The following SEMA4F variants were observed in gnomAD, a reference collection of about 807,000 sequenced individuals.
SEMA4F encodes semaphorin-4F.
Under a neutral mutation model 78.4 loss-of-function variants are expected in SEMA4F, and 51 were observed. The ratio of observed to expected loss-of-function variants is 0.65; its 90% confidence interval spans 0.52 to 0.82. The LOEUF is 0.82. Ranked by LOEUF, SEMA4F falls within the 40% of genes least tolerant of loss-of-function variation. The pLI is 0.00. For missense variants in SEMA4F, 938 were observed against 1,014.4 expected (o/e 0.92, Z 1.02); for synonymous variants, 418 against 408.7 (o/e 1.02, Z -0.27).
At chr2:74,692,012 G>T in the SEMA4F span, among the ~76,000 whole-genome samples, 5 of 152,176 alleles carry the variant, frequency 3.3e-5, no homozygotes, top group Non-Finnish European at 7.3e-5. Flanking sequence ...CCGATGGTGT[G>T]GTGGGCACTG....
At chr2:74,662,711 T>A in intron 4 of SEMA4F, 21 bp from the exon 5 acceptor site, 1 of 1,604,428 alleles carries the variant, frequency 6.2e-7, no homozygotes, top group Non-Finnish European at 8.5e-7. Context: ...CCTAAACCAA[T>A]TGCCCCCTTC....
At chr2:74,697,863 C>T in the SEMA4F span, among the ~76,000 whole-genome samples, 2 of 152,086 alleles carry the variant, frequency 1.3e-5, no homozygotes, top group African/African-American at 2.4e-5. Context: ...GATCCCAGCC[C>T]CCAGTCTTCC....
rs2105037953 is a variant in SEMA4F, at chr2:74,683,301, C to T, written c.*3092C>T. 6.6e-6 allele frequency: 1 copy of T among 152,342 alleles called. No individual in the cohort carries two copies. The highest frequency in any genetic ancestry group is 2.4e-5 in the African/African-American group (1 of 41,576). The allele number at this position is 152,342 out of a possible 1,614,324, so 9.4% of individuals were successfully genotyped here. On this transcript the variant is annotated 3_prime_UTR_variant, in exon 14 of 14. Transcript: ENST00000357877. ...GGCCACTAATCACCTCACATGGGTT[C>T]ATCTGAACTTTATGCCAGCCCAAAA...
At chr2:74,688,256 C>T (rs1032901869), downstream of SEMA4F, among the ~76,000 whole-genome samples, 6 of 152,300 alleles carry the variant, frequency 3.9e-5, no homozygotes, top group African/African-American at 1.4e-4. Flanking sequence ...CTTCCGAGAA[C>T]TGGGTCTTGC....
At chr2:74,655,232 G>A in intron 1 of SEMA4F, 1 of 332,740 alleles carries the variant, frequency 3.0e-6, no homozygotes, top group Non-Finnish European at 6.3e-6. Context: ...CATTCAATGT[G>A]TTGATGTAAA....
the SEMA4F span, among the ~76,000 whole-genome samples, chr2:74,707,597 C>T: frequency 6.6e-6 from 1 of 151,566 alleles, no homozygotes; most frequent in East Asian, 1.9e-4. Context: ...ACAATAACAA[C>T]AACAACAACA....
the SEMA4F span, among the ~76,000 whole-genome samples, chr2:74,691,229 G>A: frequency 7.9e-5 from 12 of 152,274 alleles, no homozygotes; most frequent in East Asian, 1.5e-3. Flanking sequence ...TATGTCAACC[G>A]TAAAAATACA....
At chr2:74,674,867 G>A (rs767061366) in intron 8 of SEMA4F, 21 bp from the exon 9 acceptor site, 1 of 1,613,162 alleles carries the variant, frequency 6.2e-7, no homozygotes, top group Non-Finnish European at 8.5e-7. Context: ...CATATATCCA[G>A]CTCCAACCTG....
intron 8 of SEMA4F, 102 bp from the exon 9 acceptor site, chr2:74,674,786 A>C (rs1024420959): frequency 6.5e-7 from 1 of 1,546,152 alleles, no homozygotes; most frequent in Non-Finnish European, 8.7e-7. Flanking sequence ...CTTTGGCTGC[A>C]TGGCTCCCTG....
chr2:74,706,382 C>T, the SEMA4F span, among the ~76,000 whole-genome samples: 14 of 152,148 alleles, frequency 9.2e-5, no homozygotes, highest in Non-Finnish European at 1.9e-4. Flanking sequence ...GCTCAGAACC[C>T]ACAAACCCAA....
At chr2:74,654,931 G>C (rs1057101533) in intron 1 of SEMA4F, among the ~76,000 whole-genome samples, 6 of 152,170 alleles carry the variant, frequency 3.9e-5, no homozygotes, top group Non-Finnish European at 7.3e-5. Context: ...ATACACCTGG[G>C]TCCATCATTC....
chr2:74,670,401 C>T (rs185916028), intron 5 of SEMA4F, among the ~76,000 whole-genome samples: 241 of 152,318 alleles, frequency 1.6e-3, no homozygotes, highest in Middle Eastern at 6.8e-3. Flanking sequence ...TCTGATCCCT[C>T]CTGCTGTTTC....
chr2:74,672,342 G>A (rs920244263), intron 5 of SEMA4F, among the ~76,000 whole-genome samples: 5 of 152,170 alleles, frequency 3.3e-5, no homozygotes, highest in African/African-American at 1.2e-4. Flanking sequence ...CTGAGATACT[G>A]TTCCCTCAGG....
At chr2:74,659,393 A>G (rs1011080434) in intron 4 of SEMA4F, among the ~76,000 whole-genome samples, 1 of 152,148 alleles carries the variant, frequency 6.6e-6, no homozygotes, top group Non-Finnish European at 1.5e-5. Context: ...TGGTTGTTAC[A>G]TAAGGTATCT....
intron 1 of SEMA4F, 111 bp downstream of exon 1, chr2:74,654,632 C>A: frequency 2.1e-6 from 2 of 933,432 alleles, no homozygotes; most frequent in Middle Eastern, 2.7e-4. Flanking sequence ...TGGTGTATGG[C>A]GTTTCACGCC....
rs942888093 is a variant in SEMA4F, at chr2:74,680,361, A to G, written c.*152A>G. The G allele has an allele frequency of 2.2e-6, 2 of 891,896 alleles. No individual in the cohort carries two copies. Among genetic ancestry groups the G allele is most frequent in the Admixed American group, 6.1e-5 (2 of 32,742 alleles). The allele number at this position is 891,896 out of a possible 1,614,324, so 55.2% of individuals were successfully genotyped here. A position where few individuals can be genotyped will look rare whatever the true frequency, so the allele number is the denominator to read the frequency against. On this transcript the variant is annotated 3_prime_UTR_variant, in exon 14 of 14. Coordinates refer to ENST00000357877, the MANE Select transcript of SEMA4F (RefSeq NM_004263.5). ...TGGATTTTAGTATCTGTTCTCTCTG[A>G]GCCTGGATGGGCTTGGGGCCAGACC...
At chr2:74,673,142 G>A (rs535356250) in intron 5 of SEMA4F, among the ~76,000 whole-genome samples, 14 of 152,074 alleles carry the variant, frequency 9.2e-5, no homozygotes, top group Admixed American at 2.0e-4. Context: ...GCACATTACA[G>A]GATTACTGAA....
intron 5 of SEMA4F, among the ~76,000 whole-genome samples, chr2:74,663,585 C>T (rs1189270921): frequency 1.3e-5 from 2 of 152,106 alleles, no homozygotes; most frequent in African/African-American, 2.4e-5. Context: ...CCTTAGGAAG[C>T]GTACAGTCAT....
In SEMA4F at chr2:74,680,771, T is replaced by G. The variant is rs1222250473; in HGVS notation, c.*562T>G. 1 of 152,396 alleles carries G rather than the reference T, an allele frequency of 6.6e-6. No individual in the cohort carries two copies. Among genetic ancestry groups the G allele is most frequent in the African/African-American group, 2.4e-5 (1 of 41,428 alleles). The allele number at this position is 152,396 out of a possible 1,614,324, so 9.4% of individuals were successfully genotyped here. Reference sequence around the variant, plus strand: ...AAATACATAGTGTTCATAAGAGACCTGGCCACATGTGCATGAATGACTGGG... The same window carrying G: ...AAATACATAGTGTTCATAAGAGACCGGGCCACATGTGCATGAATGACTGGG... On this transcript the variant is annotated 3_prime_UTR_variant, in exon 14 of 14. Transcript: ENST00000357877.
Sources: allele counts gnomAD v4.1 joint callset (sites outside exome capture counted in the v4.1 genomes callset), GRCh38; gene constraint gnomAD v4.1.1; transcripts MANE v1.5; gene names NCBI Gene and HGNC (gene_info 2026-07-23, HGNC 2026-07-21).